Variants in DAB1 observed in about 807,000 individuals in gnomAD.
The protein encoded by DAB1 is DAB adaptor protein 1.
DAB1 carries 15 observed loss-of-function variants against 64.6 expected under a neutral mutation model. That is an observed-to-expected ratio of 0.23 (90% CI 0.16 to 0.36). The LOEUF (loss-of-function observed/expected upper bound fraction) is 0.36. Ranked by LOEUF, DAB1 falls within the 10% of genes least tolerant of loss-of-function variation. The pLI, the probability that DAB1 is intolerant of heterozygous loss-of-function variation, is 1.00. For missense variants in DAB1, 596 were observed against 706.7 expected, an observed-to-expected ratio of 0.84 and a Z score of 1.78; for synonymous variants, 235 against 251.9, an observed-to-expected ratio of 0.93 and a Z score of 0.64.
intron 6 of DAB1, among the ~76,000 whole-genome samples, chr1:57,817,311 C>A (rs1219485331): frequency 6.6e-6 from 1 of 152,166 alleles, no homozygotes; most frequent in Non-Finnish European, 1.5e-5. Flanking sequence ...CCTTCCTGGA[C>A]CAACTGCATA....
chr1:58,178,248 A>G (rs1177889196), intron 4 of DAB1, among the ~76,000 whole-genome samples: 3 of 152,070 alleles, frequency 2.0e-5, no homozygotes, highest in South Asian at 2.1e-4. Flanking sequence ...TCTGAAACCA[A>G]CCCTCTCCAT....
chr1:57,475,141 G>C (rs560197170), intron 7 of DAB1, among the ~76,000 whole-genome samples: 10 of 152,290 alleles, frequency 6.6e-5, no homozygotes, highest in Admixed American at 6.5e-4. Flanking sequence ...GCCAGGCGCA[G>C]TGGTGCCCAC....
At chr1:57,895,330 GA>G (rs1317361349) in intron 5 of DAB1, among the ~76,000 whole-genome samples, 1 of 152,190 alleles carries the variant, frequency 6.6e-6, no homozygotes, top group East Asian at 1.9e-4. Context: ...AAGAAGCTGA[GA>G]GGCTAAGTAA....
chr1:57,727,517 G>A (rs892601544), intron 6 of DAB1, among the ~76,000 whole-genome samples: 3 of 152,156 alleles, frequency 2.0e-5, no homozygotes, highest in East Asian at 1.9e-4. Context: ...GGATGGCAAC[G>A]TGATCATGAT....
At chr1:57,666,849 G>GGAGGGAGAGGGA (rs750012743) in intron 6 of DAB1, among the ~76,000 whole-genome samples, 2 of 151,008 alleles carry the variant, frequency 1.3e-5, no homozygotes, top group South Asian at 2.1e-4. Context: ...TTAATTAAAA[G>GGAGGGAGAGGGA]GAGGGAGAGG....
intron 5 of DAB1, among the ~76,000 whole-genome samples, chr1:58,107,473 A>C (rs185451032): frequency 0.01 from 1,517 of 151,642 alleles, 26 homozygotes; most frequent in African/African-American, 0.035. Flanking sequence ...CATCTCCAAA[A>C]AAAAAAAAAA....
intron 1 of DAB1, among the ~76,000 whole-genome samples, chr1:57,312,467 G>A (rs1215665040): frequency 6.6e-6 from 1 of 152,114 alleles, no homozygotes; most frequent in Non-Finnish European, 1.5e-5. Context: ...AGTCCAAAGA[G>A]GGGACACATA....
downstream of DAB1, among the ~76,000 whole-genome samples, chr1:57,824,132 T>A (rs921318028): frequency 2.6e-4 from 39 of 152,216 alleles, no homozygotes; most frequent in African/African-American, 8.9e-4. Context: ...TTAGATGTTA[T>A]CTCCATGTTA....
chr1:57,376,303 A>G (rs1680890230), intron 1 of DAB1, among the ~76,000 whole-genome samples: 1 of 152,226 alleles, frequency 6.6e-6, no homozygotes, highest in Non-Finnish European at 1.5e-5. Flanking sequence ...ATGGGCAAGG[A>G]TCCAGGCCAT....
chr1:57,893,039 A>G (rs1644340853), intron 5 of DAB1, among the ~76,000 whole-genome samples: 1 of 127,944 alleles, frequency 7.8e-6, no homozygotes. Context: ...TGTCACCTGA[A>G]AAAGTGCATT....
rs544517523 is a variant in DAB1, at chr1:57,519,481, C to T, written n.625+130111G>A. Among the ~76,000 whole-genome samples, 5 of 152,250 alleles carry T rather than the reference C, an allele frequency of 3.3e-5. 1 individual carries two copies. In the South Asian group the frequency reaches 1.0e-3, roughly 32 times the overall value. ...ATCCTTCCAGGTGAGTATCTTGACCCCTATTTGCGGGTGACAAAACTCAGA... is the reference window on the plus strand; with the variant it reads ...ATCCTTCCAGGTGAGTATCTTGACCTCTATTTGCGGGTGACAAAACTCAGA... On this transcript the variant is annotated intron_variant and non_coding_transcript_variant, in intron 7 of 20. Transcript: ENST00000485760.
chr1:57,209,729 T>C (rs79183681), intron 2 of DAB1, among the ~76,000 whole-genome samples: 3,262 of 152,300 alleles, frequency 0.021, 41 homozygotes, highest in Non-Finnish European at 0.03. Flanking sequence ...AACCAATGTG[T>C]GTAATGCCTA....
chr1:57,963,054 T>A (rs1645565381), intron 5 of DAB1, among the ~76,000 whole-genome samples: 1 of 152,162 alleles, frequency 6.6e-6, no homozygotes. Flanking sequence ...ACTTCTTCCA[T>A]GTCCTTCAAA....
intron 2 of DAB1, among the ~76,000 whole-genome samples, chr1:57,264,135 G>A (rs1244455547): frequency 6.6e-6 from 1 of 152,110 alleles, no homozygotes; most frequent in Non-Finnish European, 1.5e-5. Flanking sequence ...TTCCCAAACT[G>A]TGAACTCTTT....
chr1:58,448,244 G>A (rs542082632), intron 3 of DAB1, among the ~76,000 whole-genome samples: 211 of 152,306 alleles, frequency 1.4e-3, no homozygotes, highest in Middle Eastern at 6.8e-3. Context: ...GATTGGCTTA[G>A]ATCAAGATTA....
At position 57,145,993 on chromosome 1, in the gene DAB1, G is replaced by A. The variant is rs186346971; in HGVS notation, c.68-564C>T. Among the ~76,000 whole-genome samples, 35 of 152,296 alleles carry A rather than the reference G, an allele frequency of 2.3e-4. No homozygotes were observed. In the East Asian group the frequency reaches 6.0e-3, roughly 26 times the overall value. On this transcript the variant is annotated intron_variant, in intron 2 of 14. Coordinates refer to ENST00000371236, the MANE Select transcript of DAB1 (RefSeq NM_001365792.1). ...ACATCTCTTCTGGTAAGTCATGTGT[G>A]CAGGAAAATAGGCTTCCACACTATG...
At chr1:57,066,049 T>C (rs1271170153) in intron 8 of DAB1, among the ~76,000 whole-genome samples, 1 of 152,228 alleles carries the variant, frequency 6.6e-6, no homozygotes, top group African/African-American at 2.4e-5. Context: ...TTTGGCAGCA[T>C]GTTAATTAAT....
intron 9 of DAB1, among the ~76,000 whole-genome samples, chr1:57,039,852 A>C (rs1321251974): frequency 3.9e-5 from 6 of 152,346 alleles, no homozygotes; most frequent in African/African-American, 1.4e-4. Context: ...AAAGGAAAGG[A>C]GATATCAATT....
intron 5 of DAB1, chr1:58,071,572 G>A (rs1037757758): frequency 1.3e-5 from 2 of 152,144 alleles, no homozygotes; most frequent in African/African-American, 4.8e-5. Context: ...AAACATGGAG[G>A]TTGCCTTAAA....
Sources: gnomAD v4.1 joint callset for allele counts (sites outside exome capture counted in the v4.1 genomes callset) on GRCh38, gnomAD v4.1.1 for gene constraint, MANE v1.5 for transcripts, NCBI Gene and HGNC (gene_info 2026-07-23, HGNC 2026-07-21) for gene names.